ZNF407: variants seen among roughly 807,000 people sequenced by gnomAD.
The protein encoded by ZNF407 is zinc finger protein 407.
Under a neutral mutation model 131.2 loss-of-function variants are expected in ZNF407, and 17 were observed. The ratio of observed to expected loss-of-function variants is 0.13; its 90% confidence interval spans 0.09 to 0.19. The LOEUF is 0.19. Among genes scored for constraint, ZNF407 ranks in the 10% least tolerant of loss-of-function variants. The pLI is 1.00. For missense variants in ZNF407, 2,681 were observed against 2,830.6 expected (o/e 0.95, Z 1.20); for synonymous variants, 1,156 against 1,062.0 (o/e 1.09, Z -1.72).
chr18:74,832,713 C>A (rs1424414368), intron 4 of ZNF407, among the ~76,000 whole-genome samples: 1 of 152,060 alleles, frequency 6.6e-6, no homozygotes, highest in African/African-American at 2.4e-5. Context: ...AGGGTAATTT[C>A]TTCTAAACTT....
intron 4 of ZNF407, among the ~76,000 whole-genome samples, chr18:74,838,332 A>G (rs1036628827): frequency 1.3e-5 from 2 of 152,202 alleles, no homozygotes; most frequent in African/African-American, 4.8e-5. Context: ...ATGCCACTGA[A>G]TGTCCTTCCT....
At chr18:74,786,484 T>TC (rs1324660713) in intron 4 of ZNF407, among the ~76,000 whole-genome samples, 8 of 151,968 alleles carry the variant, frequency 5.3e-5, no homozygotes, top group East Asian at 3.8e-4. Flanking sequence ...CTTTTTTTTT[T>TC]CCCCATGATG....
chr18:75,005,072 G>A (rs1599289414), intron 8 of ZNF407, among the ~76,000 whole-genome samples: 2 of 152,170 alleles, frequency 1.3e-5, no homozygotes, highest in East Asian at 1.9e-4. Context: ...ACAAGTTTTT[G>A]TATGCATGGG....
chr18:74,879,412 C>T lies in ZNF407; in HGVS notation c.5045-1624C>T, dbSNP rs535752628. Among the ~76,000 whole-genome samples the T allele has an allele frequency of 9.2e-5, 14 of 152,108 alleles. No homozygotes were observed. In the South Asian group the frequency reaches 2.5e-3, roughly 27 times the overall value. On this transcript the variant is annotated intron_variant, in intron 5 of 8. Transcript: ENST00000299687. ...GCACAGCAGGCAGCACCCACGGACC[C>T]GCAACGAGGAATTGATTGGAGGGAA...
intron 3 of ZNF407, among the ~76,000 whole-genome samples, chr18:74,742,256 C>T (rs558062578): frequency 1.3e-5 from 2 of 152,154 alleles, no homozygotes; most frequent in Non-Finnish European, 2.9e-5. Context: ...TTGTCTTTCC[C>T]TCTTCCTGTA....
At chr18:74,841,749 T>C (rs1487839740) in intron 4 of ZNF407, among the ~76,000 whole-genome samples, 1 of 152,242 alleles carries the variant, frequency 6.6e-6, no homozygotes, top group African/African-American at 2.4e-5. Context: ...TTGAGCCATG[T>C]GCATAGATTT....
Position 74,634,984 on chromosome 18 carries a change from A to G in ZNF407, c.3965A>G (p.Glu1322Gly). Residue 1322 changes from glutamate (E) to glycine (G), a missense_variant, in exon 2 of 9, where the codon GAG (glutamate) becomes GGG (glycine). Glu to Gly is a moderately conservative substitution (Grantham distance 98). This residue lies in a region of ZNF407 where 1,789 missense variants were observed against 1,748.7 expected (regional missense o/e 1.02). Coordinates refer to ENST00000299687, the MANE Select transcript of ZNF407 (RefSeq NM_017757.3). ...SQHETEFILEEDGPASDSTVE... is the reference protein window; with the variant it reads ...SQHETEFILEGDGPASDSTVE... The stretch of plus-strand genomic sequence containing the variant: ...CATGAAACAGAATTTATTTTGGAGG[A>G]GGATGGCCCAGCTTCTGATAGCACA... 1 of 1,614,024 alleles carries G rather than the reference A, an allele frequency of 6.2e-7. No individual in the cohort carries two copies. The highest frequency in any genetic ancestry group is 1.1e-5 in the South Asian group (1 of 91,090).
chr18:74,606,487 C>A (rs1383948657), intron 1 of ZNF407, among the ~76,000 whole-genome samples: 1 of 152,154 alleles, frequency 6.6e-6, no homozygotes, highest in African/African-American at 2.4e-5. Flanking sequence ...AGCAATGTCT[C>A]CTGCCTCAGC....
At chr18:74,916,245 AGTT>A (rs796253770) in intron 7 of ZNF407, among the ~76,000 whole-genome samples, 122 of 58,544 alleles carry the variant, frequency 2.1e-3, no homozygotes, top group South Asian at 3.6e-3. Flanking sequence ...GGTATGGTGA[AGTT>A]GTGTGAAGCA....
intron 3 of ZNF407, among the ~76,000 whole-genome samples, chr18:74,678,544 A>G (rs1031911248): frequency 6.6e-6 from 1 of 152,190 alleles, no homozygotes; most frequent in Non-Finnish European, 1.5e-5. Context: ...AAGGCAGTTC[A>G]AACGTCAGTT....
At chr18:74,832,090 G>A (rs1450659340) in intron 4 of ZNF407, among the ~76,000 whole-genome samples, 2 of 152,166 alleles carry the variant, frequency 1.3e-5, no homozygotes, top group East Asian at 1.9e-4. Context: ...TCTTCATGTG[G>A]GGAGATGATT....
At chr18:74,967,880 T>C (rs568898728) in intron 8 of ZNF407, among the ~76,000 whole-genome samples, 11 of 152,338 alleles carry the variant, frequency 7.2e-5, no homozygotes, top group African/African-American at 2.2e-4. Flanking sequence ...TCCACTATAC[T>C]GCAGACCTTT....
rs182163212 is a variant in ZNF407 at position 74,662,471 on chromosome 18, G to C, written c.4802+21349G>C. 3.8e-3 allele frequency among the ~76,000 whole-genome samples: 574 copies of C among 152,278 alleles called. 5 individuals carry two copies. The highest frequency in any genetic ancestry group is 6.6e-3 in the South Asian group (32 of 4,826). The stretch of plus-strand genomic sequence containing the variant: ...GCTTTAAAAATACAACATTAGGCTT[G>C]AAATAAGTTCATAAGCATAAGGAGA... On this transcript the variant is annotated intron_variant, in intron 3 of 8. Coordinates refer to ENST00000299687, the MANE Select transcript of ZNF407 (RefSeq NM_017757.3).
intron 4 of ZNF407, among the ~76,000 whole-genome samples, chr18:74,850,674 T>G (rs1599196414): frequency 6.6e-6 from 1 of 152,230 alleles, no homozygotes; most frequent in East Asian, 1.9e-4. Flanking sequence ...CAGTTTCTGC[T>G]CAAATACTAT....
chr18:75,047,625 T>C (rs1052941475), intron 8 of ZNF407, among the ~76,000 whole-genome samples: 35 of 152,234 alleles, frequency 2.3e-4, no homozygotes, highest in Admixed American at 2.0e-3. Flanking sequence ...TAGTAATACT[T>C]TTCAAAGCCT....
At chr18:74,957,580 A>G (rs1449451915) in intron 8 of ZNF407, among the ~76,000 whole-genome samples, 1 of 152,182 alleles carries the variant, frequency 6.6e-6, no homozygotes, top group Non-Finnish European at 1.5e-5. Context: ...AAAGATATTT[A>G]TGTAGTAAGT....
intron 4 of ZNF407, among the ~76,000 whole-genome samples, chr18:74,840,012 C>T (rs145232166): frequency 1.6e-3 from 248 of 152,142 alleles, no homozygotes; most frequent in Middle Eastern, 0.014. Flanking sequence ...ACATCATCAG[C>T]CCTGGCATAT....
chr18:75,054,395 T>G (rs926540563), intron 8 of ZNF407, among the ~76,000 whole-genome samples: 2 of 152,236 alleles, frequency 1.3e-5, no homozygotes, highest in Non-Finnish European at 2.9e-5. Context: ...TCCTCTCATT[T>G]CCTTGGGAAC....
At chr18:74,935,175 T>C (rs1972025884) in intron 8 of ZNF407, among the ~76,000 whole-genome samples, 1 of 152,224 alleles carries the variant, frequency 6.6e-6, no homozygotes, top group Non-Finnish European at 1.5e-5. Context: ...ATGAAAATGC[T>C]CAGATAGTTC....
Sources: allele counts gnomAD v4.1 joint callset (sites outside exome capture counted in the v4.1 genomes callset), GRCh38; gene constraint gnomAD v4.1.1; regional missense constraint gnomAD v4.1.1; transcripts MANE v1.5; gene names NCBI Gene and HGNC (gene_info 2026-07-23, HGNC 2026-07-21).